XAB2: variants seen among roughly 807,000 people sequenced by gnomAD.
The protein encoded by XAB2 is XPA binding protein 2.
XAB2 carries 57 observed loss-of-function variants against 113.4 expected under a neutral mutation model. That is an observed-to-expected ratio of 0.50 (90% CI 0.41 to 0.63). The LOEUF is 0.63. Ranked by LOEUF, XAB2 falls within the 20% of genes least tolerant of loss-of-function variation. The pLI is 0.00. For synonymous variants in XAB2, 497 were observed against 498.8 expected (o/e 1.00, Z 0.05); for missense variants, 1,037 against 1,233.3 (o/e 0.84, Z 2.38).
chr19:7,623,073 C>T lies in XAB2; in HGVS notation c.1239+97G>A. ...AAATGCACATGCACACACACGTGCACACATCCATGCACAAATATGTACACA... is the reference window on the plus strand; with the variant it reads ...AAATGCACATGCACACACACGTGCATACATCCATGCACAAATATGTACACA... On this transcript the variant is annotated intron_variant, in intron 9 of 18. Coordinates refer to ENST00000358368, the MANE Select transcript of XAB2 (RefSeq NM_020196.3). The surrounding 1 kb of genome is among the most constrained non-coding windows in gnomAD (Gnocchi z 4.6). 1 of 1,571,606 alleles carries T rather than the reference C, an allele frequency of 6.4e-7. No homozygotes were observed.
rs1439746563 is a variant in XAB2 at position 7,623,839 on chromosome 19, G to A, written c.1011C>T (p.Leu337=). The A allele has an allele frequency of 2.5e-6, 4 of 1,608,724 alleles. No individual in the cohort carries two copies. The highest frequency in any genetic ancestry group is 3.4e-6 in the Non-Finnish European group (4 of 1,178,686). Reference sequence around the variant, plus strand: ...TGAGGAGCAGGGGCCGCCGGCTGATGAGCTGCTCGAAGCGGGCCAGGCGCA... The same window carrying A: ...TGAGGAGCAGGGGCCGCCGGCTGATAAGCTGCTCGAAGCGGGCCAGGCGCA... ...LELRLARFEQ[L]ISRRPLLLNS... is the part of the protein sequence containing the mutation. The change falls in exon 8 of 19, where the codon CTC becomes CTT. Residue 337 remains leucine, a synonymous_variant. Coordinates refer to ENST00000358368, the MANE Select transcript of XAB2 (RefSeq NM_020196.3). This position sits in a 1 kb window ranked among gnomAD's most constrained non-coding sequence, Gnocchi z 4.6.
rs1225956455 is a variant in XAB2, at chr19:7,627,955, A to C, written c.201-104T>G. ...CAAATGTGGGAAGAAGGGGTGTGGG[A>C]GGGGTGACATGTCTCAGCAATGACA... On this transcript the variant is annotated intron_variant, in intron 2 of 18. Transcript: ENST00000358368. This position sits in a 1 kb window ranked among gnomAD's most constrained non-coding sequence, Gnocchi z 4.5. The C allele has an allele frequency of 6.5e-7, 1 of 1,542,062 alleles. No individual in the cohort carries two copies. Among genetic ancestry groups the C allele is most frequent in the African/African-American group, 1.4e-5 (1 of 73,612 alleles).
intron 1 of XAB2, 137 bp downstream of exon 1, chr19:7,629,340 T>G (rs1599375606): frequency 9.9e-7 from 1 of 1,010,196 alleles, no homozygotes; most frequent in African/African-American, 1.6e-5. Flanking sequence ...CGATCCGGTC[T>G]CTGGCCCATT....
intron 9 of XAB2, 51 bp from the exon 10 acceptor site, chr19:7,622,944 C>T (rs755896990): frequency 2.2e-5 from 35 of 1,599,282 alleles, no homozygotes; most frequent in Non-Finnish European, 3.4e-6. Context: ...CTGGACAGCT[C>T]CCACCATCAA....
At position 7,624,477 on chromosome 19, in the gene XAB2, G is replaced by T. The variant is rs774708267; in HGVS notation, c.823-32C>A. ...GGACCCAGGGAAGGGGAGGTGAGAG[G>T]AAAGTGGCGCAGGGGACAGGCAGCA... On this transcript the variant is annotated intron_variant, in intron 6 of 18. Transcript: ENST00000358368. This position sits in a 1 kb window ranked among gnomAD's most constrained non-coding sequence, Gnocchi z 4.2. 2.5e-5 allele frequency: 41 copies of T among 1,613,246 alleles called. No individual in the cohort carries two copies. Among genetic ancestry groups the T allele is most frequent in the African/African-American group, 6.7e-5 (5 of 74,916 alleles).
intron 16 of XAB2, 52 bp from the exon 17 acceptor site, chr19:7,620,127 G>T: frequency 6.3e-7 from 1 of 1,599,982 alleles, no homozygotes; most frequent in Non-Finnish European, 8.5e-7. Context: ...CCCACACATC[G>T]GACGTTGCAC....
In XAB2 at chr19:7,624,699, T is replaced by C. The variant is rs562328301; in HGVS notation, c.823-254A>G. ...CTGGGTGACTGCCCTTTGCACACAG[T>C]GACCTCAGGGCTCGACTGAGACACA... On this transcript the variant is annotated intron_variant, in intron 6 of 18. Transcript: ENST00000358368. This position sits in a 1 kb window ranked among gnomAD's most constrained non-coding sequence, Gnocchi z 4.2. 6.6e-5 allele frequency among the ~76,000 whole-genome samples: 10 copies of C among 152,248 alleles called. No individual in the cohort carries two copies. In the South Asian group the frequency reaches 2.1e-3, roughly 32 times the overall value.
chr19:7,624,547 T>G lies in XAB2; in HGVS notation c.823-102A>C. On this transcript the variant is annotated intron_variant, in intron 6 of 18. Transcript: ENST00000358368. The surrounding 1 kb of genome is among the most constrained non-coding windows in gnomAD (Gnocchi z 4.2). ...CAATGTGGAACCCCTGGGGGCCTTC[T>G]GGGTAGTGACGCATCCAGCACCTCT... 1.9e-6 allele frequency: 3 copies of G among 1,556,272 alleles called. No homozygotes were observed. The highest frequency in any genetic ancestry group is 2.6e-6 in the Non-Finnish European group (3 of 1,148,720).
At position 7,620,939 on chromosome 19, in the gene XAB2, G is replaced by A. The variant is rs778390531; in HGVS notation, c.1878C>T (p.Ala626=). Residue 626 remains alanine, a synonymous_variant, in exon 14 of 19, where the codon GCC becomes GCT. Transcript: ENST00000358368. The part of the protein sequence containing the change: ...YERATRAVEP[A]QQYDMFNIYI... ...AGATGTTGAACATGTCATACTGCTG[G>A]GCGGGCTCCACGGCCCTGGTGGCAC... The A allele has an allele frequency of 6.3e-7, 1 of 1,593,400 alleles. No individual in the cohort carries two copies.
In XAB2 at chr19:7,619,626, C is replaced by G; in HGVS notation, c.2528G>C (p.Ser843Thr). ...GCTCCCAAACACTGCGGCTGGCACG[C>G]TCTGCTGCTCCAGCCGAACCTCTGT... is the stretch of plus-strand genomic sequence containing the variant. Reference protein sequence around the residue: ...EPNEVRLEQQSVPAAVFGSLK... With the variant: ...EPNEVRLEQQTVPAAVFGSLK... The change falls in exon 19 of 19, where the codon AGC becomes ACC. Residue 843 changes from serine to threonine, a missense_variant. Physicochemically the swap from Ser to Thr is moderately conservative, Grantham distance 58. Transcript: ENST00000358368. The G allele has an allele frequency of 6.2e-7, 1 of 1,603,556 alleles. No individual in the cohort carries two copies. The highest frequency in any genetic ancestry group is 1.1e-5 in the South Asian group (1 of 89,520).
rs2146188303 is a variant in XAB2, at chr19:7,625,837, G to C, written c.822+43C>G. The C allele has an allele frequency of 6.4e-7, 1 of 1,560,128 alleles. No individual in the cohort carries two copies. The highest frequency in any genetic ancestry group is 1.4e-5 in the African/African-American group (1 of 73,790). The stretch of plus-strand genomic sequence containing the variant: ...AACATGTGTCCCCGAGTGTCGGAGG[G>C]AGACCCCGCCCCGAACCCAGAGCCC... On this transcript the variant is annotated intron_variant, in intron 6 of 18. Transcript: ENST00000358368. The surrounding 1 kb of genome is among the most constrained non-coding windows in gnomAD (Gnocchi z 5.2).
chr19:7,626,754 C>A (rs1237634217), intron 4 of XAB2, among the ~76,000 whole-genome samples: 6 of 152,076 alleles, frequency 3.9e-5, no homozygotes, highest in Non-Finnish European at 8.8e-5. Context: ...ACTATAGTGT[C>A]CAGCCTGGGC....
rs763786591 is a variant in XAB2 at position 7,627,342 on chromosome 19, G to A, written c.423C>T (p.Pro141=). The A allele has an allele frequency of 1.9e-6, 3 of 1,613,718 alleles. No individual in the cohort carries two copies. The highest frequency in any genetic ancestry group is 2.2e-5 in the East Asian group (1 of 44,876). ...RTFDRALRAL[P]ITQHSRIWPL... is the part of the protein sequence containing the mutation. ...GCCAAATTCGAGAGTGCTGCGTGAT[G>A]GGCAGTGCCCGGAGGGCACGGTCGA... Residue 141 remains proline (P), a synonymous_variant, in exon 4 of 19, where the codon CCC becomes CCT. Transcript: ENST00000358368. This position sits in a 1 kb window ranked among gnomAD's most constrained non-coding sequence, Gnocchi z 4.5.
chr19:7,627,867 G>T lies in XAB2; in HGVS notation c.201-16C>A. 1 of 1,607,702 alleles carries T rather than the reference G, an allele frequency of 6.2e-7. No homozygotes were observed. On this transcript the variant is annotated splice_polypyrimidine_tract_variant and intron_variant, in intron 2 of 18. Coordinates refer to ENST00000358368, the MANE Select transcript of XAB2 (RefSeq NM_020196.3). The surrounding 1 kb of genome is among the most constrained non-coding windows in gnomAD (Gnocchi z 4.5). ...GAGTTTGTAGCTGGGGAATAGGAGG[G>T]GACAGATGCTGATCGGTCAGCTTTA...
chr19:7,624,313 G>A lies in XAB2; in HGVS notation c.955C>T (p.Arg319Cys), dbSNP rs546488334. Residue 319 changes from arginine (R) to cysteine (C), a missense_variant, in exon 7 of 19, where the codon CGC becomes TGC. Coordinates refer to ENST00000358368, the MANE Select transcript of XAB2 (RefSeq NM_020196.3). This position sits in a 1 kb window ranked among gnomAD's most constrained non-coding sequence, Gnocchi z 4.2. ...AKMETASELG[R>C]EEEDDVDLEL... ...CCCAGAGGCTCACCCTCCTCCTCGC[G>A]CCCCAGCTCCGAGGCGGTCTCCATC... The A allele has an allele frequency of 1.9e-5, 30 of 1,613,564 alleles. No homozygotes were observed. The highest frequency in any genetic ancestry group is 8.8e-5 in the South Asian group (8 of 91,078).
chr19:7,622,889 C>G lies in XAB2; in HGVS notation c.1244G>C (p.Arg415Pro), dbSNP rs1290081390. The stretch of plus-strand genomic sequence containing the variant: ...CTTGGTGGCCTTCTCCAGGATGACA[C>G]GGGCCTGCCGGGGCGGGCAGAGGCG... ...YEDNGQLDDA[R>P]VILEKATKVN... is the part of the protein sequence containing the mutation. The change falls in exon 10 of 19, where the codon CGT (arginine) becomes CCT (proline). Residue 415 changes from arginine (R) to proline (P), a missense_variant. By Grantham distance (103) the Arg-to-Pro change is moderately radical. Coordinates refer to ENST00000358368, the MANE Select transcript of XAB2 (RefSeq NM_020196.3). 1.2e-6 allele frequency: 2 copies of G among 1,613,146 alleles called. No homozygotes were observed. Among genetic ancestry groups the G allele is most frequent in the South Asian group, 1.1e-5 (1 of 90,976 alleles).
rs2031079662 is a variant in XAB2 at position 7,623,542 on chromosome 19, G to A, written c.1119+189C>T. On this transcript the variant is annotated intron_variant, in intron 8 of 18. Coordinates refer to ENST00000358368, the MANE Select transcript of XAB2 (RefSeq NM_020196.3). This position sits in a 1 kb window ranked among gnomAD's most constrained non-coding sequence, Gnocchi z 4.6. ...GGAGCTGTGGCCCTCCAAGGGGTGG[G>A]GCCAGGAGGGACTGTGGCTCTGAGG... is the stretch of plus-strand genomic sequence containing the variant. Among the ~76,000 whole-genome samples, 1 of 151,882 alleles carries A rather than the reference G, an allele frequency of 6.6e-6. No individual in the cohort carries two copies. Among genetic ancestry groups the A allele is most frequent in the African/African-American group, 2.4e-5 (1 of 41,336 alleles).
rs991517358 is a variant in XAB2 at position 7,625,800 on chromosome 19, T to A, written c.822+80A>T. ...AGCCATAAATGGCATGTTTTCTGCC[T>A]GTGCATGTGTCAACATGTGTCCCCG... is the stretch of plus-strand genomic sequence containing the variant. On this transcript the variant is annotated intron_variant, in intron 6 of 18. Transcript: ENST00000358368. This position sits in a 1 kb window ranked among gnomAD's most constrained non-coding sequence, Gnocchi z 5.2. 4.6e-6 allele frequency: 7 copies of A among 1,510,034 alleles called. No individual in the cohort carries two copies. The Admixed American group carries it at 6.3e-5, about 14-fold the overall frequency. The allele number at this position is 1,510,034 out of a possible 1,614,324, so 93.5% of individuals were successfully genotyped here.
In XAB2 at chr19:7,620,453, G is replaced by T. The variant is rs370348644; in HGVS notation, c.2095-7C>A. On this transcript the variant is annotated splice_polypyrimidine_tract_variant and splice_region_variant and intron_variant, in intron 15 of 18. Coordinates refer to ENST00000358368, the MANE Select transcript of XAB2 (RefSeq NM_020196.3). ...GCCAGAACGCGCCGGTCGTCTGCGT[G>T]GGGGGCAGGGCAGGGGTGGGTGTGT... 6.8e-6 allele frequency: 11 copies of T among 1,608,134 alleles called. No individual in the cohort carries two copies. The highest frequency in any genetic ancestry group is 5.3e-5 in the African/African-American group (4 of 74,880).
Sources: allele counts gnomAD v4.1 joint callset (sites outside exome capture counted in the v4.1 genomes callset), GRCh38; gene constraint gnomAD v4.1.1; non-coding constraint Gnocchi (gnomAD v3.1); transcripts MANE v1.5; gene names NCBI Gene and HGNC (gene_info 2026-07-23, HGNC 2026-07-21).